ZNF385C: variants seen among roughly 807,000 people sequenced by gnomAD.
ZNF385C encodes zinc finger protein 385C.
ZNF385C carries 28 observed loss-of-function variants against 35.4 expected under a neutral mutation model. The observed-to-expected ratio is 0.79, with a 90% CI of 0.59 to 1.08. ZNF385C has a LOEUF of 1.08. ZNF385C is among the 50% of genes least tolerant of loss of function. ZNF385C has a pLI of 0.00. For missense variants in ZNF385C, 605 were observed against 595.6 expected (o/e 1.02, Z -0.16); for synonymous variants, 248 against 248.2 (o/e 1.00, Z 0.01).
intron 1 of ZNF385C, among the ~76,000 whole-genome samples, chr17:42,088,702 G>T (rs556559319): frequency 1.1e-4 from 17 of 152,244 alleles, no homozygotes; most frequent in Admixed American, 1.1e-3. Flanking sequence ...GTGTTGGGGG[G>T]AAGAGCTCCA....
intron 1 of ZNF385C, chr17:42,065,273 T>G (rs1340957666): frequency 1.1e-4 from 16 of 152,250 alleles, no homozygotes; most frequent in Admixed American, 1.0e-3. Flanking sequence ...CACCTTGATC[T>G]TGGACTTCTA....
At chr17:42,068,041 C>T (rs1316334728) in intron 1 of ZNF385C, among the ~76,000 whole-genome samples, 1 of 152,142 alleles carries the variant, frequency 6.6e-6, no homozygotes, top group Admixed American at 6.5e-5. Context: ...TAATTGTGTT[C>T]CCCCCAGCCA....
At chr17:42,088,942 T>A (rs1555660296) in intron 1 of ZNF385C, among the ~76,000 whole-genome samples, 2 of 151,998 alleles carry the variant, frequency 1.3e-5, no homozygotes, top group Non-Finnish European at 2.9e-5. Context: ...CCTCCCGCCT[T>A]GGCCTCTCAA....
intron 2 of ZNF385C, among the ~76,000 whole-genome samples, chr17:42,057,536 G>GTGTGTGTA (rs2143812674): frequency 6.6e-6 from 1 of 151,920 alleles, no homozygotes; most frequent in Non-Finnish European, 1.5e-5. Context: ...GTGTGTGTGT[G>GTGTGTGTA]TGTGATGGTC....
chr17:42,035,118 CA>C (rs1239388932), intron 3 of ZNF385C, among the ~76,000 whole-genome samples: 1,721 of 81,394 alleles, frequency 0.021, 10 homozygotes, highest in African/African-American at 0.082. Flanking sequence ...GACTCTGTCT[CA>C]AAAAAAAAAA....
At chr17:42,027,993 C>CT in intron 7 of ZNF385C, 57 bp downstream of exon 7, 1 of 1,585,928 alleles carries the variant, frequency 6.3e-7, no homozygotes. Context: ...CTCTGCTGCC[C>CT]TGCCCCCCAA....
intron 1 of ZNF385C, among the ~76,000 whole-genome samples, chr17:42,088,358 C>T (rs1158854557): frequency 3.3e-5 from 5 of 152,262 alleles, no homozygotes; most frequent in East Asian, 1.9e-4. Context: ...CCTCCTCAGG[C>T]GCCTGGCCTG....
intron 4 of ZNF385C, among the ~76,000 whole-genome samples, chr17:42,032,513 G>A (rs782417396): frequency 6.6e-6 from 1 of 152,216 alleles, no homozygotes; most frequent in Admixed American, 6.5e-5. Flanking sequence ...CTCAATGAAT[G>A]TTAGTTATCA....
intron 2 of ZNF385C, chr17:42,061,112 A>C (rs1465700454): frequency 1.3e-5 from 2 of 151,904 alleles, no homozygotes; most frequent in Non-Finnish European, 2.9e-5. Context: ...CTTTTTCCTG[A>C]CAGGCAGATA....
chr17:42,081,340 G>T (rs908200799), intron 1 of ZNF385C, among the ~76,000 whole-genome samples: 1 of 152,074 alleles, frequency 6.6e-6, no homozygotes, highest in East Asian at 1.9e-4. Flanking sequence ...CCACTCACGG[G>T]AATCACCTGA....
At chr17:42,044,010 A>G (rs1555656368) in intron 2 of ZNF385C, among the ~76,000 whole-genome samples, 1 of 151,854 alleles carries the variant, frequency 6.6e-6, no homozygotes, top group African/African-American at 2.4e-5. Flanking sequence ...GCCCACAGTC[A>G]TCTATTTCAT....
intron 2 of ZNF385C, chr17:42,043,144 C>G: frequency 8.1e-7 from 1 of 1,232,192 alleles, no homozygotes. Flanking sequence ...GGTCACGTGG[C>G]GCAGCAGGGC....
Position 42,059,203 on chromosome 17 carries a change from C to T in ZNF385C, c.250+3604G>A, listed in dbSNP as rs189474355. On this transcript the variant is annotated intron_variant, in intron 2 of 8. Coordinates refer to ENST00000692273, the MANE Select transcript of ZNF385C (RefSeq NM_001392013.1). ...CACAGCTATCACTCCCCTCCCCTGCCCCACTCCCACAGTGCTGGTCACTCC... is the reference window on the plus strand; with the variant it reads ...CACAGCTATCACTCCCCTCCCCTGCTCCACTCCCACAGTGCTGGTCACTCC... Among the ~76,000 whole-genome samples, 252 of 152,314 alleles carry T rather than the reference C, an allele frequency of 1.7e-3. 3 individuals carry two copies. Among genetic ancestry groups the T allele is most frequent in the African/African-American group, 5.9e-3 (244 of 41,564 alleles).
intron 2 of ZNF385C, chr17:42,043,251 C>T (rs1598186671): frequency 8.1e-7 from 1 of 1,232,278 alleles, no homozygotes; most frequent in African/African-American, 1.5e-5. Flanking sequence ...GGCAGAACAT[C>T]AGCTTCCGCT....
chr17:42,055,094 G>A (rs1405907333), intron 2 of ZNF385C, among the ~76,000 whole-genome samples: 6 of 152,124 alleles, frequency 3.9e-5, no homozygotes, highest in African/African-American at 1.2e-4. Flanking sequence ...CCCAGGTCCC[G>A]ATGCTAGCCC....
intron 2 of ZNF385C, chr17:42,039,831 G>C: frequency 8.1e-7 from 1 of 1,232,042 alleles, no homozygotes; most frequent in East Asian, 3.2e-5. Flanking sequence ...GGCCCCCCCG[G>C]CCTTCCCCGG....
intron 1 of ZNF385C, among the ~76,000 whole-genome samples, chr17:42,076,633 C>T (rs1173132959): frequency 2.0e-5 from 3 of 150,312 alleles, no homozygotes; most frequent in Non-Finnish European, 3.0e-5. Flanking sequence ...AACAAACACA[C>T]AAAAAAAACA....
chr17:42,072,218 G>A (rs2053634991), intron 1 of ZNF385C, among the ~76,000 whole-genome samples: 1 of 152,066 alleles, frequency 6.6e-6, no homozygotes, highest in African/African-American at 2.4e-5. Context: ...AAGACGGTGG[G>A]TTATCTGGTC....
intron 2 of ZNF385C, among the ~76,000 whole-genome samples, chr17:42,045,114 T>C (rs1346200907): frequency 6.6e-6 from 1 of 152,228 alleles, no homozygotes; most frequent in Non-Finnish European, 1.5e-5. Context: ...AGACGGGGTT[T>C]CACCGTGTTA....
Sources: gnomAD v4.1 joint callset for allele counts (sites outside exome capture counted in the v4.1 genomes callset) on GRCh38, gnomAD v4.1.1 for gene constraint, MANE v1.5 for transcripts, NCBI Gene and HGNC (gene_info 2026-07-23, HGNC 2026-07-21) for gene names.